MEMO1: variants seen among roughly 807,000 people sequenced by gnomAD.
MEMO1 encodes the protein mediator of cell motility 1.
Under a neutral mutation model 45.2 loss-of-function variants are expected in MEMO1, and 6 were observed. That is an observed-to-expected ratio of 0.13 (90% CI 0.07 to 0.26). The LOEUF (loss-of-function observed/expected upper bound fraction) is 0.26. MEMO1 is among the 10% of genes least tolerant of loss of function. The probability of loss-of-function intolerance (pLI) is 1.00; values close to 1 mark genes in which losing one functional copy is unlikely to be tolerated. For missense variants in MEMO1, 184 were observed against 370.5 expected (o/e 0.50, Z 4.13); for synonymous variants, 78 against 124.3 (o/e 0.63, Z 2.48).
intron 4 of MEMO1, among the ~76,000 whole-genome samples, chr2:31,923,070 A>C (rs1317172849): frequency 2.0e-5 from 3 of 152,144 alleles, no homozygotes; most frequent in African/African-American, 7.2e-5. Context: ...ACAATGATTG[A>C]ATCAATTTAC....
intron 2 of MEMO1, among the ~76,000 whole-genome samples, chr2:31,958,576 ATAACCCATCAAC>A (rs1172707261): frequency 6.6e-6 from 1 of 152,098 alleles, no homozygotes; most frequent in Non-Finnish European, 1.5e-5. Flanking sequence ...AAATGAACTA[ATAACCCATCAAC>A]TAACCTCAAT....
chr2:31,923,112 T>C (rs943702654), intron 4 of MEMO1, among the ~76,000 whole-genome samples: 8 of 152,210 alleles, frequency 5.3e-5, no homozygotes, highest in African/African-American at 1.9e-4. Flanking sequence ...ACATTTATTT[T>C]TCTCCACAAC....
intron 2 of MEMO1, among the ~76,000 whole-genome samples, chr2:32,003,598 A>T (rs1159145211): frequency 6.6e-6 from 1 of 152,212 alleles, no homozygotes; most frequent in East Asian, 1.9e-4. Flanking sequence ...CATATGCTCA[A>T]ATCAACCAAA....
chr2:31,913,768 T>C (rs1444867481), intron 6 of MEMO1, among the ~76,000 whole-genome samples: 1 of 152,064 alleles, frequency 6.6e-6, no homozygotes, highest in African/African-American at 2.4e-5. Context: ...GACACAGACT[T>C]ATATACAAAT....
intron 7 of MEMO1, among the ~76,000 whole-genome samples, chr2:31,888,983 A>T (rs1676563867): frequency 6.6e-6 from 1 of 152,138 alleles, no homozygotes; most frequent in Admixed American, 6.6e-5. Flanking sequence ...GAACATCTTT[A>T]AAGTAAAATA....
At chr2:31,870,018 A>G in intron 8 of MEMO1, 66 bp from the exon 9 acceptor site, 1 of 1,212,306 alleles carries the variant, frequency 8.2e-7, no homozygotes, top group East Asian at 3.0e-5. Flanking sequence ...ATTATTTCCT[A>G]ATTATATTTT....
At position 31,985,707 on chromosome 2, in the gene MEMO1, T is replaced by C. The variant is rs961564448; in HGVS notation, c.61+24480A>G. ...AATTGTTTAGAATCACATTTACTCA[T>C]TTATTAATAGAAAATGTCATATTCC... On this transcript the variant is annotated intron_variant, in intron 2 of 9. Transcript: ENST00000404530. 2.0e-5 allele frequency among the ~76,000 whole-genome samples: 3 copies of C among 152,274 alleles called. No individual in the cohort carries two copies. The South Asian group carries it at 6.2e-4, about 31-fold the overall frequency.
At chr2:31,977,190 T>C (rs1670103541) in intron 2 of MEMO1, among the ~76,000 whole-genome samples, 1 of 152,128 alleles carries the variant, frequency 6.6e-6, no homozygotes. Flanking sequence ...ATTCAGTTCA[T>C]GAAACAAAAA....
intron 6 of MEMO1, among the ~76,000 whole-genome samples, chr2:31,901,474 A>C (rs780311065): frequency 2.2e-4 from 34 of 151,912 alleles, no homozygotes; most frequent in Non-Finnish European, 4.1e-4. Flanking sequence ...AATAGACTAC[A>C]TTTTGTACAA....
rs34551355 is a variant in MEMO1 at position 31,980,009 on chromosome 2, T to TA, written c.61+30177dup. On this transcript the variant is annotated intron_variant, in intron 2 of 9. Coordinates refer to ENST00000404530, the MANE Select transcript of MEMO1 (RefSeq NM_001301833.4). ...GTCCAAATCAGAAACTGTCTTAATT[T>TA]AAAAAAAAAAAAAAGAAAGAAAAAA... is the stretch of plus-strand genomic sequence containing the variant. Among the ~76,000 whole-genome samples, 197 of 137,654 alleles carry TA rather than the reference T, an allele frequency of 1.4e-3. 1 individual carries two copies. Among genetic ancestry groups the TA allele is most frequent in the Middle Eastern group, 3.7e-3 (1 of 268 alleles). The allele number at this position is 137,654 out of a possible 152,430, so 90.3% of individuals were successfully genotyped here.
In MEMO1 at chr2:31,868,635, G is replaced by C. The variant is rs950145914; in HGVS notation, c.763-143C>G. 1.6e-5 allele frequency: 11 copies of C among 702,882 alleles called. No individual in the cohort carries two copies. In the African/African-American group the frequency reaches 2.1e-4, roughly 13 times the overall value. The allele number at this position is 702,882 out of a possible 1,614,324, so 43.5% of individuals were successfully genotyped here. A position where few individuals can be genotyped will look rare whatever the true frequency, so the allele number is the denominator to read the frequency against. ...TTTTGTTTCTTGAATTTCTCTTGTT[G>C]CATCATATTAAAATAGAAAAAAAAG... is the stretch of plus-strand genomic sequence containing the variant. On this transcript the variant is annotated intron_variant, in intron 9 of 9. Transcript: ENST00000404530.
At chr2:31,899,433 G>T (rs1239144011) in intron 6 of MEMO1, among the ~76,000 whole-genome samples, 1 of 152,184 alleles carries the variant, frequency 6.6e-6, no homozygotes, top group Non-Finnish European at 1.5e-5. Flanking sequence ...AAGCAATGGG[G>T]AAATGATTCC....
chr2:31,982,094 T>A (rs1229675167), intron 2 of MEMO1, among the ~76,000 whole-genome samples: 1 of 151,524 alleles, frequency 6.6e-6, no homozygotes, highest in African/African-American at 2.4e-5. Context: ...GTCAGGAGAT[T>A]GAGACCATCC....
At chr2:31,899,083 T>C (rs1414171782) in intron 6 of MEMO1, among the ~76,000 whole-genome samples, 2 of 152,188 alleles carry the variant, frequency 1.3e-5, no homozygotes, top group African/African-American at 4.8e-5. Context: ...ATAGGAAGAA[T>C]TAATATAGTG....
Position 31,962,180 on chromosome 2 carries a change from G to A in MEMO1, c.62-18797C>T, listed in dbSNP as rs190831655. 2.4e-3 allele frequency among the ~76,000 whole-genome samples: 364 copies of A among 151,994 alleles called. 1 individual carries two copies. Among genetic ancestry groups the A allele is most frequent in the Admixed American group, 6.9e-3 (106 of 15,276 alleles). Reference sequence around the variant, plus strand: ...AAGGCGAGAGGATTGAGTCCAGGAGGTCGAGACCAGCCTGGGCAACACAGT... The same window carrying A: ...AAGGCGAGAGGATTGAGTCCAGGAGATCGAGACCAGCCTGGGCAACACAGT... On this transcript the variant is annotated intron_variant, in intron 2 of 9. Coordinates refer to ENST00000404530, the MANE Select transcript of MEMO1 (RefSeq NM_001301833.4).
intron 2 of MEMO1, among the ~76,000 whole-genome samples, chr2:31,967,508 G>T (rs554730560): frequency 6.6e-6 from 1 of 152,184 alleles, no homozygotes; most frequent in Non-Finnish European, 1.5e-5. Context: ...GAGTGCAGTG[G>T]CATAATTATG....
In MEMO1 at chr2:31,952,967, ACT is replaced by A. The variant is rs2148368690; in HGVS notation, c.62-9586_62-9585del. On this transcript the variant is annotated intron_variant, in intron 2 of 9. Transcript: ENST00000404530. ...TAATATTTCCTTGTGTGAATGGATC[ACT>A]GTTTCCTTAAACATTAATATAAAAT... 1.3e-5 allele frequency among the ~76,000 whole-genome samples: 2 copies of A among 152,226 alleles called. 1 individual carries two copies. Among genetic ancestry groups the A allele is most frequent in the Non-Finnish European group, 2.9e-5 (2 of 68,042 alleles).
chr2:31,881,392 G>A (rs999581548), intron 8 of MEMO1, among the ~76,000 whole-genome samples: 2 of 149,506 alleles, frequency 1.3e-5, no homozygotes, highest in African/African-American at 4.9e-5. Context: ...CCACTCAGGA[G>A]ACTGAGGTAG....
chr2:31,946,523 G>A (rs1024083473), intron 2 of MEMO1, among the ~76,000 whole-genome samples: 7 of 152,112 alleles, frequency 4.6e-5, no homozygotes, highest in Non-Finnish European at 7.3e-5. Flanking sequence ...ACATAATGAC[G>A]TTTCGGTCAA....
Sources: gnomAD v4.1 joint callset for allele counts (sites outside exome capture counted in the v4.1 genomes callset) on GRCh38, gnomAD v4.1.1 for gene constraint, MANE v1.5 for transcripts, NCBI Gene and HGNC (gene_info 2026-07-23, HGNC 2026-07-21) for gene names.